JARID2: variants seen among roughly 807,000 people sequenced by gnomAD.
The protein encoded by JARID2 is protein Jumonji.
A neutral mutation model predicts 125.6 loss-of-function variants in JARID2; 21 were observed. That is an observed-to-expected ratio of 0.17 (90% confidence interval 0.12 to 0.24). The LOEUF is 0.24. Ranked by LOEUF, JARID2 falls within the 10% of genes least tolerant of loss-of-function variation. The probability of loss-of-function intolerance (pLI) is 1.00; values close to 1 mark genes in which losing one functional copy is unlikely to be tolerated. For missense variants in JARID2, 1,303 were observed against 1,639.6 expected (o/e 0.79, Z 3.55); for synonymous variants, 736 against 661.6 (o/e 1.11, Z -1.73).
chr6:15,455,791 GTGC>G (rs1768149281), intron 4 of JARID2, among the ~76,000 whole-genome samples: 2 of 152,286 alleles, frequency 1.3e-5, no homozygotes, highest in South Asian at 2.1e-4. Flanking sequence ...GCCTCCCAAA[GTGC>G]TGGGATTACA....
At chr6:15,337,846 C>G (rs1227398861) in intron 1 of JARID2, among the ~76,000 whole-genome samples, 3 of 152,296 alleles carry the variant, frequency 2.0e-5, no homozygotes, top group East Asian at 1.9e-4. Flanking sequence ...TACACAGATA[C>G]AAACAGCCTC....
chr6:15,428,527 T>C (rs900050625), intron 3 of JARID2, among the ~76,000 whole-genome samples: 1 of 152,118 alleles, frequency 6.6e-6, no homozygotes. Flanking sequence ...CATATTTGGT[T>C]TTTTGTCCTT....
At chr6:15,284,526 T>C (rs1431979399) in intron 1 of JARID2, among the ~76,000 whole-genome samples, 1 of 151,392 alleles carries the variant, frequency 6.6e-6, no homozygotes, top group Non-Finnish European at 1.5e-5. Flanking sequence ...TTTTTTTTTT[T>C]TGAGACGAAG....
At chr6:15,276,063 G>C (rs2127364066) in intron 1 of JARID2, among the ~76,000 whole-genome samples, 1 of 152,278 alleles carries the variant, frequency 6.6e-6, no homozygotes, top group African/African-American at 2.4e-5. Flanking sequence ...AAGGGAAATT[G>C]CTTTGCATTT....
At chr6:15,290,578 G>T (rs1761167549) in intron 1 of JARID2, among the ~76,000 whole-genome samples, 2 of 152,158 alleles carry the variant, frequency 1.3e-5, no homozygotes, top group Non-Finnish European at 2.9e-5. Flanking sequence ...TATTTGGCCA[G>T]AATCAATCTC....
intron 1 of JARID2, among the ~76,000 whole-genome samples, chr6:15,319,274 T>C (rs1176111164): frequency 6.6e-6 from 1 of 152,196 alleles, no homozygotes; most frequent in African/African-American, 2.4e-5. Flanking sequence ...TGAGAAGCTG[T>C]GCTGCCTTGA....
intron 1 of JARID2, among the ~76,000 whole-genome samples, chr6:15,327,545 GTGTGTGCGCGTGTGTGTGCGTGTGCA>G (rs1762572656): frequency 1.3e-5 from 2 of 151,050 alleles, no homozygotes; most frequent in South Asian, 4.3e-4. Context: ...GTGTGTGTGT[GTGTGTGCGCGTGTGTGTGCGTGTGCA>G]TGTGCGTGCA....
Position 15,520,887 on chromosome 6 carries a change from C to T in JARID2, c.*636C>T. The T allele has an allele frequency of 2.2e-6, 1 of 455,280 alleles. No homozygotes were observed. 28.2% of individuals were successfully genotyped at this position (455,280 alleles called of 1,614,324 possible). On this transcript the variant is annotated 3_prime_UTR_variant, in exon 18 of 18. Transcript: ENST00000341776. ...CGGGAGCGAGTGGGCTCTCCACCAG[C>T]ACATCACTATGCATCTGTTCCAGGA...
intron 17 of JARID2, among the ~76,000 whole-genome samples, chr6:15,518,938 C>T (rs889593313): frequency 3.3e-5 from 5 of 152,176 alleles, no homozygotes; most frequent in Admixed American, 1.3e-4. Flanking sequence ...GTGGGGGGTG[C>T]ACCTAGATTG....
chr6:15,402,586 C>T (rs368419923), intron 2 of JARID2, among the ~76,000 whole-genome samples: 5 of 152,258 alleles, frequency 3.3e-5, no homozygotes, highest in Admixed American at 6.5e-5. Context: ...CTTGTGTTTC[C>T]GTCTCCTTCA....
intron 5 of JARID2, among the ~76,000 whole-genome samples, chr6:15,482,228 G>A (rs1033378210): frequency 6.6e-6 from 1 of 152,200 alleles, no homozygotes; most frequent in African/African-American, 2.4e-5. Flanking sequence ...CAAGCTTCTT[G>A]AAATCATCAT....
intron 1 of JARID2, among the ~76,000 whole-genome samples, chr6:15,298,651 G>C (rs1239262807): frequency 6.7e-6 from 1 of 149,816 alleles, no homozygotes; most frequent in Non-Finnish European, 1.5e-5. Context: ...CTGCATTCCA[G>C]CCTGGGCAAC....
At chr6:15,415,616 C>CGGACGG (rs1766131995) in intron 3 of JARID2, among the ~76,000 whole-genome samples, 1 of 146,574 alleles carries the variant, frequency 6.8e-6, no homozygotes, top group Non-Finnish European at 1.5e-5. Flanking sequence ...ACCTCCCTCC[C>CGGACGG]GGTCGGGGCG....
At chr6:15,498,789 G>A (rs1770586107) in intron 7 of JARID2, among the ~76,000 whole-genome samples, 1 of 152,240 alleles carries the variant, frequency 6.6e-6, no homozygotes, top group African/African-American at 2.4e-5. Flanking sequence ...AGGAAGCAGT[G>A]CAGGGAGCAG....
intron 1 of JARID2, among the ~76,000 whole-genome samples, chr6:15,356,801 G>A (rs959472091): frequency 6.6e-6 from 1 of 152,118 alleles, no homozygotes; most frequent in Admixed American, 6.6e-5. Context: ...GATCACTTGA[G>A]GTCAGGAGTT....
intron 3 of JARID2, among the ~76,000 whole-genome samples, chr6:15,444,735 ATTTTTTTTTTT>A (rs5874512): frequency 2.2e-5 from 2 of 91,922 alleles, no homozygotes; most frequent in Non-Finnish European, 4.1e-5. Flanking sequence ...GAACTGTCTG[ATTTTTTTTTTT>A]TTTTTTTTTT....
rs542417445 is a variant in JARID2 at position 15,448,039 on chromosome 6, G to C, written c.324-3967G>C. Among the ~76,000 whole-genome samples the C allele has an allele frequency of 3.9e-5, 6 of 152,256 alleles. No homozygotes were observed. The South Asian group carries it at 8.3e-4, about 21-fold the overall frequency. ...GTTGTATGGGGCTCTTAATCCCCAC[G>C]GGACTCTGCAGGTTGAAAAGCCACA... is the stretch of plus-strand genomic sequence containing the variant. On this transcript the variant is annotated intron_variant, in intron 3 of 17. Transcript: ENST00000341776.
intron 12 of JARID2, among the ~76,000 whole-genome samples, chr6:15,508,769 TGTTTTGTTTTGTTTC>T (rs1160930196): frequency 3.3e-5 from 5 of 152,202 alleles, no homozygotes; most frequent in Admixed American, 2.6e-4. Context: ...CGTCTGTTTT[TGTTTTGTTTTGTTTC>T]GTTTTGTTTT....
Position 15,511,387 on chromosome 6 carries a change from G to A in JARID2, c.2938G>A (p.Glu980Lys). ...TGGCACCCCAGGGCTGCAGATGCTGGAAAGCAACGTCATGGTGCGTCCACT... is the reference window on the plus strand; with the variant it reads ...TGGCACCCCAGGGCTGCAGATGCTGAAAAGCAACGTCATGGTGCGTCCACT... ...ANGTPGLQML[E>K]SNVMISPEVL... Residue 980 changes from glutamate to lysine, a missense_variant, in exon 13 of 18, where the codon GAA becomes AAA. By Grantham distance (56) the Glu-to-Lys change is moderately conservative (BLOSUM62 1). Coordinates refer to ENST00000341776, the MANE Select transcript of JARID2 (RefSeq NM_004973.4). 1 of 1,612,746 alleles carries A rather than the reference G, an allele frequency of 6.2e-7. No homozygotes were observed. The highest frequency in any genetic ancestry group is 8.5e-7 in the Non-Finnish European group (1 of 1,179,330).
Sources: allele counts gnomAD v4.1 joint callset (sites outside exome capture counted in the v4.1 genomes callset), GRCh38; gene constraint gnomAD v4.1.1; transcripts MANE v1.5; gene names NCBI Gene and HGNC (gene_info 2026-07-23, HGNC 2026-07-21).